NCOA2: variants seen among roughly 807,000 people sequenced by gnomAD.
NCOA2 encodes the protein nuclear receptor coactivator 2.
NCOA2 carries 21 observed loss-of-function variants against 145.1 expected under a neutral mutation model. The observed-to-expected ratio is 0.14, with a 90% CI of 0.10 to 0.21. The LOEUF is 0.21. Ranked by LOEUF, NCOA2 falls within the 10% of genes least tolerant of loss-of-function variation. The pLI, the probability that NCOA2 is intolerant of heterozygous loss-of-function variation, is 1.00. For synonymous variants in NCOA2, 619 were observed against 637.5 expected, an observed-to-expected ratio of 0.97 and a Z score of 0.44; for missense variants, 1,472 against 1,837.6, an observed-to-expected ratio of 0.80 and a Z score of 3.64.
the NCOA2 span, among the ~76,000 whole-genome samples, chr8:70,429,544 T>A: frequency 6.6e-6 from 1 of 152,230 alleles, no homozygotes; most frequent in Admixed American, 6.5e-5. Context: ...TTTGTACACA[T>A]GTAGGGCAAT....
At chr8:70,127,560 G>A (rs1054565264) in intron 18 of NCOA2, among the ~76,000 whole-genome samples, 2 of 152,166 alleles carry the variant, frequency 1.3e-5, no homozygotes, top group Non-Finnish European at 2.9e-5. Context: ...GAGGTGGAGG[G>A]TGGAGAGGGA....
chr8:70,385,082 A>C (rs1812536811), intron 1 of NCOA2, among the ~76,000 whole-genome samples: 1 of 152,236 alleles, frequency 6.6e-6, no homozygotes, highest in African/African-American at 2.4e-5. Flanking sequence ...ATAAAGAAGG[A>C]CCATAAAAAC....
At chr8:70,142,883 A>G (rs1810605017) in intron 13 of NCOA2, among the ~76,000 whole-genome samples, 1 of 152,028 alleles carries the variant, frequency 6.6e-6, no homozygotes, top group Non-Finnish European at 1.5e-5. Flanking sequence ...AAAGAGAATG[A>G]TCCATAATTC....
intron 1 of NCOA2, among the ~76,000 whole-genome samples, chr8:70,359,481 A>G (rs935806955): frequency 1.3e-5 from 2 of 152,204 alleles, no homozygotes; most frequent in East Asian, 3.8e-4. Flanking sequence ...ATAGAATATG[A>G]TACTATTTAT....
chr8:70,434,681 G>T, the NCOA2 span, among the ~76,000 whole-genome samples: 1 of 151,990 alleles, frequency 6.6e-6, no homozygotes, highest in Non-Finnish European at 1.5e-5. Context: ...TGATCTTCTT[G>T]CCTCAGCCTC....
In NCOA2 at chr8:70,373,093, GTGGACATGTGCTTACATTCCTA is replaced by G. The variant is rs140410740; in HGVS notation, c.-77+30585_-77+30606del. ...AGGAACATTCATGTAAAAAGTCTTT[GTGGACATGTGCTTACATTCCTA>G]TAAGATTAATGCTTAGGAATATGGT... On this transcript the variant is annotated intron_variant, in intron 1 of 22. Transcript: ENST00000452400. 5.9e-3 allele frequency among the ~76,000 whole-genome samples: 899 copies of G among 152,262 alleles called. 5 individuals carry two copies. The highest frequency in any genetic ancestry group is 0.02 in the African/African-American group (836 of 41,556).
intron 4 of NCOA2, among the ~76,000 whole-genome samples, chr8:70,192,898 C>T (rs1299809953): frequency 6.6e-6 from 1 of 151,826 alleles, no homozygotes; most frequent in African/African-American, 2.4e-5. Context: ...GAAAACTCAT[C>T]ACTACTAAAA....
intron 1 of NCOA2, among the ~76,000 whole-genome samples, chr8:70,356,035 C>T (rs1034166547): frequency 1.4e-4 from 22 of 152,008 alleles, no homozygotes; most frequent in African/African-American, 5.1e-4. Context: ...TACTGTCTAC[C>T]CAAGGGCTAC....
chr8:70,197,957 C>A (rs543876655), intron 4 of NCOA2, among the ~76,000 whole-genome samples: 1 of 152,106 alleles, frequency 6.6e-6, no homozygotes, highest in East Asian at 1.9e-4. Context: ...CACCACCATG[C>A]CCATTTAATT....
chr8:70,365,592 A>G (rs528235238), intron 1 of NCOA2, among the ~76,000 whole-genome samples: 78 of 152,374 alleles, frequency 5.1e-4, no homozygotes, highest in African/African-American at 1.9e-3. Context: ...AAATACTCCC[A>G]TCTTATAAAC....
At chr8:70,403,262 G>C (rs1387616626) in intron 1 of NCOA2, among the ~76,000 whole-genome samples, 3 of 151,248 alleles carry the variant, frequency 2.0e-5, no homozygotes, top group African/African-American at 7.3e-5. Flanking sequence ...CCCCGCACCG[G>C]GCTGGGCAAT....
intron 1 of NCOA2, among the ~76,000 whole-genome samples, chr8:70,374,744 G>C (rs113190774): frequency 4.0e-4 from 61 of 151,256 alleles, no homozygotes; most frequent in African/African-American, 1.4e-3. Context: ...TAAGGCTGCA[G>C]TGAGCTATGA....
chr8:70,252,718 C>T (rs763219693), intron 2 of NCOA2, among the ~76,000 whole-genome samples: 1 of 152,136 alleles, frequency 6.6e-6, no homozygotes, highest in Non-Finnish European at 1.5e-5. Flanking sequence ...TTTTGGACAG[C>T]CTACTTTGAT....
chr8:70,111,792 TAAAC>T lies in NCOA2; in HGVS notation c.*1836_*1839del, dbSNP rs767841068. On this transcript the variant is annotated 3_prime_UTR_variant, in exon 23 of 23. Coordinates refer to ENST00000452400, the MANE Select transcript of NCOA2 (RefSeq NM_006540.4). Reference sequence around the variant, plus strand: ...TGTACATTTTTCACCCTGCCACAAATAAACAAACAATCAAATTTCAAGGAAAAAC... The same window carrying T: ...TGTACATTTTTCACCCTGCCACAAATAAACAATCAAATTTCAAGGAAAAAC... The T allele has an allele frequency of 5.1e-5, 11 of 216,682 alleles. No homozygotes were observed. Among genetic ancestry groups the T allele is most frequent in the African/African-American group, 9.0e-5 (4 of 44,416 alleles). The allele number at this position is 216,682 out of a possible 1,614,324, so 13.4% of individuals were successfully genotyped here.
chr8:70,410,900 T>C, the NCOA2 span, among the ~76,000 whole-genome samples: 248 of 152,132 alleles, frequency 1.6e-3, no homozygotes, highest in Non-Finnish European at 3.1e-3. Context: ...TTGTGGGGGG[T>C]GCAGATTGAC....
At chr8:70,202,941 C>G (rs1818046512) in intron 4 of NCOA2, among the ~76,000 whole-genome samples, 1 of 152,016 alleles carries the variant, frequency 6.6e-6, no homozygotes, top group African/African-American at 2.4e-5. Context: ...GCCTATAATC[C>G]CAGGACTTTG....
chr8:70,273,461 G>A (rs1563708529), intron 2 of NCOA2: 1 of 634,386 alleles, frequency 1.6e-6, no homozygotes, highest in East Asian at 3.5e-5. Context: ...AAAGAAGGTG[G>A]TTCACAGAAC....
At chr8:70,411,625 G>A in the NCOA2 span, among the ~76,000 whole-genome samples, 2 of 152,122 alleles carry the variant, frequency 1.3e-5, no homozygotes, top group African/African-American at 4.8e-5. Context: ...CAGCATTTTT[G>A]TTCAATGGAA....
At position 70,112,103 on chromosome 8, in the gene NCOA2, CA is replaced by C; in HGVS notation, c.*1528del. 1 of 204,192 alleles carries C rather than the reference CA, an allele frequency of 4.9e-6. No homozygotes were observed. Among genetic ancestry groups the C allele is most frequent in the African/African-American group, 2.3e-5 (1 of 43,808 alleles). The allele number at this position is 204,192 out of a possible 1,614,324, so 12.6% of individuals were successfully genotyped here. A position where few individuals can be genotyped will look rare whatever the true frequency, so the allele number is the denominator to read the frequency against. ...AAGGTTCATTAAGAAAGAATATAAACATATAAAAATCAAGAATTGGTTCCTA... is the reference window on the plus strand; with the variant it reads ...AAGGTTCATTAAGAAAGAATATAAACTATAAAAATCAAGAATTGGTTCCTA... On this transcript the variant is annotated 3_prime_UTR_variant, in exon 23 of 23. Transcript: ENST00000452400.
Sources: allele counts gnomAD v4.1 joint callset (sites outside exome capture counted in the v4.1 genomes callset), GRCh38; gene constraint gnomAD v4.1.1; transcripts MANE v1.5; gene names NCBI Gene and HGNC (gene_info 2026-07-23, HGNC 2026-07-21).